COL14A1: variants seen among roughly 807,000 people sequenced by gnomAD.
COL14A1 encodes the protein collagen alpha-1(XIV) chain.
In COL14A1, 136 loss-of-function variants were observed where a neutral mutation model predicts 230.3. The ratio of observed to expected loss-of-function variants is 0.59; its 90% confidence interval spans 0.51 to 0.68. The LOEUF (loss-of-function observed/expected upper bound fraction) is 0.68. Among genes scored for constraint, COL14A1 ranks in the 30% least tolerant of loss-of-function variants. The pLI is 0.00. For synonymous variants in COL14A1, 792 were observed against 784.1 expected (o/e 1.01, Z -0.17); for missense variants, 1,976 against 2,215.8 (o/e 0.89, Z 2.17).
chr8:120,234,608 A>T (rs1250722220), intron 19 of COL14A1, among the ~76,000 whole-genome samples: 1 of 151,880 alleles, frequency 6.6e-6, no homozygotes, highest in Admixed American at 6.5e-5. Flanking sequence ...TATGTGATGT[A>T]TTATATTTAT....
In COL14A1 at chr8:120,346,116, G is replaced by A. The variant is rs1586884846; in HGVS notation, c.5077+553G>A. On this transcript the variant is annotated intron_variant, in intron 45 of 47. Transcript: ENST00000297848. ...AACTTCAAATTAAAATACTGTCTGC[G>A]GCTCATCTTCCTATTATATCAGACA... Among the ~76,000 whole-genome samples the A allele has an allele frequency of 3.3e-5, 5 of 152,300 alleles. No individual in the cohort carries two copies. The South Asian group carries it at 6.2e-4, about 19-fold the overall frequency.
chr8:120,341,588 T>C (rs751141930), intron 43 of COL14A1, among the ~76,000 whole-genome samples: 4 of 152,164 alleles, frequency 2.6e-5, no homozygotes, highest in Non-Finnish European at 5.9e-5. Flanking sequence ...TCTGCTACCA[T>C]CCAGGTCAAT....
At chr8:120,213,539 C>G (rs1206285279) in intron 13 of COL14A1, among the ~76,000 whole-genome samples, 1 of 152,048 alleles carries the variant, frequency 6.6e-6, no homozygotes, top group Non-Finnish European at 1.5e-5. Flanking sequence ...GTAATTAAAA[C>G]AACAAAGAAA....
intron 3 of COL14A1, 52 bp from the exon 4 acceptor site, chr8:120,162,374 A>C (rs1354898095): frequency 1.4e-6 from 2 of 1,479,358 alleles, no homozygotes; most frequent in Non-Finnish European, 1.8e-6. Context: ...TTCTTAATGT[A>C]CACAGTGGAC....
At position 120,231,570 on chromosome 8, in the gene COL14A1, G is replaced by T. The variant is rs754905144; in HGVS notation, c.2301G>T (p.Val767=). ...ISDSDVQQFR[V]TYMTAQGDPE... ...ACAGCGATGTGCAGCAGTTTAGGGT[G>T]ACCTACATGACAGCTCAAGGGGACC... Residue 767 remains valine (V), a synonymous_variant, in exon 19 of 48, where the codon GTG becomes GTT. Transcript: ENST00000297848. 2 of 1,613,884 alleles carry T rather than the reference G, an allele frequency of 1.2e-6. No homozygotes were observed. The highest frequency in any genetic ancestry group is 3.3e-5 in the Admixed American group (2 of 59,958).
chr8:120,262,538 C>T (rs1452686892), intron 23 of COL14A1, among the ~76,000 whole-genome samples: 1 of 152,098 alleles, frequency 6.6e-6, no homozygotes, highest in Non-Finnish European at 1.5e-5. Context: ...AATGCCCTCA[C>T]ATCTGCATCT....
intron 19 of COL14A1, among the ~76,000 whole-genome samples, chr8:120,236,354 C>T (rs1818444662): frequency 6.6e-6 from 1 of 152,002 alleles, no homozygotes; most frequent in Admixed American, 6.6e-5. Context: ...GCATTGATCC[C>T]TTTACCATTA....
intron 5 of COL14A1, among the ~76,000 whole-genome samples, chr8:120,186,340 G>T (rs1007387819): frequency 6.6e-6 from 1 of 152,166 alleles, no homozygotes; most frequent in Non-Finnish European, 1.5e-5. Context: ...TTGGAAACTT[G>T]AATGTAACCT....
chr8:120,215,041 G>A (rs1225733331), intron 13 of COL14A1, among the ~76,000 whole-genome samples: 2 of 152,332 alleles, frequency 1.3e-5, no homozygotes, highest in African/African-American at 4.8e-5. Flanking sequence ...GATGGAACCA[G>A]TGAAATAGCA....
Position 120,282,337 on chromosome 8 carries a change from G to T in COL14A1, c.3824+1278G>T, listed in dbSNP as rs564883476. 1.2e-4 allele frequency among the ~76,000 whole-genome samples: 18 copies of T among 152,228 alleles called. No homozygotes were observed. The South Asian group carries it at 2.5e-3, about 21-fold the overall frequency. The stretch of plus-strand genomic sequence containing the variant: ...TGCCCCACCTAGCTCACTCAGACTC[G>T]CACGCTAATATCCTCTGGAGACACC... On this transcript the variant is annotated intron_variant, in intron 31 of 47. Transcript: ENST00000297848.
At chr8:120,200,122 T>G (rs1295468524) in intron 8 of COL14A1, among the ~76,000 whole-genome samples, 1 of 98,302 alleles carries the variant, frequency 1.0e-5, no homozygotes, top group East Asian at 3.1e-4. Context: ...TGCTGTTGAT[T>G]AAAATGTTAA....
At chr8:120,206,662 T>G (rs1817442882) in intron 9 of COL14A1, among the ~76,000 whole-genome samples, 2 of 152,208 alleles carry the variant, frequency 1.3e-5, no homozygotes, top group African/African-American at 4.8e-5. Flanking sequence ...AATGTTTGTT[T>G]TTATTATTTA....
intron 23 of COL14A1, among the ~76,000 whole-genome samples, chr8:120,258,120 G>A (rs1819215914): frequency 1.3e-5 from 2 of 152,074 alleles, no homozygotes; most frequent in South Asian, 4.2e-4. Flanking sequence ...TAAGCCGAAG[G>A]GTCAATTTAT....
chr8:120,286,799 G>A (rs968655276), intron 33 of COL14A1, among the ~76,000 whole-genome samples: 7 of 152,156 alleles, frequency 4.6e-5, no homozygotes, highest in African/African-American at 1.4e-4. Context: ...GTGAGCCACC[G>A]CGCCTGGCCA....
chr8:120,194,873 A>C (rs1816973073), intron 5 of COL14A1, among the ~76,000 whole-genome samples: 1 of 152,162 alleles, frequency 6.6e-6, no homozygotes, highest in African/African-American at 2.4e-5. Context: ...TTATGTCCAA[A>C]AAACAAATTA....
chr8:120,267,851 G>T (rs1563706661), intron 25 of COL14A1, among the ~76,000 whole-genome samples: 1 of 151,772 alleles, frequency 6.6e-6, no homozygotes, highest in Non-Finnish European at 1.5e-5. Flanking sequence ...CTATGTTTAA[G>T]AATGATAACT....
chr8:120,365,904 C>T (rs548646943), intron 45 of COL14A1, among the ~76,000 whole-genome samples: 2 of 152,214 alleles, frequency 1.3e-5, no homozygotes, highest in South Asian at 4.2e-4. Flanking sequence ...AGAAGAAGAG[C>T]TTTTTAAAAG....
chr8:120,291,856 C>T (rs889428860), intron 34 of COL14A1, among the ~76,000 whole-genome samples: 2 of 152,012 alleles, frequency 1.3e-5, no homozygotes, highest in Non-Finnish European at 2.9e-5. Flanking sequence ...CATTTCACTC[C>T]TCTAACCAGA....
chr8:120,217,505 A>G (rs749365638), intron 14 of COL14A1, among the ~76,000 whole-genome samples: 95 of 152,320 alleles, frequency 6.2e-4, no homozygotes, highest in South Asian at 1.9e-3. Flanking sequence ...AAGTGTTTTT[A>G]TATGCAGAGA....
Sources: allele counts gnomAD v4.1 joint callset (sites outside exome capture counted in the v4.1 genomes callset), GRCh38; gene constraint gnomAD v4.1.1; transcripts MANE v1.5; gene names NCBI Gene and HGNC (gene_info 2026-07-23, HGNC 2026-07-21).